The following LRRK1 variants were observed in gnomAD, a reference collection of about 807,000 sequenced individuals.
LRRK1 encodes leucine rich repeat kinase 1.
A neutral mutation model predicts 209.1 loss-of-function variants in LRRK1; 113 were observed. That is an observed-to-expected ratio of 0.54 (90% CI 0.46 to 0.63). The LOEUF (loss-of-function observed/expected upper bound fraction) is 0.63, where lower values mean the gene tolerates loss of function less well. LRRK1 is among the 30% of genes least tolerant of loss of function. The pLI is 0.00. For missense variants in LRRK1, 2,284 were observed against 2,632.2 expected (o/e 0.87, Z 2.89); for synonymous variants, 1,144 against 1,099.7 (o/e 1.04, Z -0.80).
intron 11 of LRRK1, 97 bp downstream of exon 11, chr15:101,014,525 C>A: frequency 2.5e-6 from 2 of 809,998 alleles, no homozygotes; most frequent in Non-Finnish European, 2.1e-6. Context: ...TCTGCGAGGG[C>A]TGCTGAGCCG....
chr15:101,059,033 A>C (rs2035995799), intron 29 of LRRK1, among the ~76,000 whole-genome samples: 1 of 152,180 alleles, frequency 6.6e-6, no homozygotes, highest in South Asian at 2.1e-4. Context: ...AGTTTGCGTC[A>C]GGTTTTATGC....
rs537672871 is a variant in LRRK1, at chr15:100,962,980, T to C, written c.98-10824T>C. Among the ~76,000 whole-genome samples the C allele has an allele frequency of 2.2e-3, 333 of 149,648 alleles. 4 individuals are homozygous for C. Among genetic ancestry groups the C allele is most frequent in the African/African-American group, 7.6e-3 (308 of 40,634 alleles). On this transcript the variant is annotated intron_variant, in intron 2 of 33. Transcript: ENST00000388948. ...CTGCGATTACAGGCATGCACCACCA[T>C]GCCTGGCTAATTTTGTATTTTTAGT...
intron 3 of LRRK1, among the ~76,000 whole-genome samples, chr15:100,978,422 A>G (rs2031417355): frequency 6.6e-6 from 1 of 152,218 alleles, no homozygotes; most frequent in African/African-American, 2.4e-5. Flanking sequence ...ATGCCCAGAG[A>G]AATCCATTCC....
rs1256562191 is a variant in LRRK1 at position 101,073,827 on chromosome 15, T to A, written c.*4979T>A. ...CCTTCCACTCTCCATTCCTCCTTCT[T>A]CTCCCTTAGCCTATGTTCTCAAAAA... is the stretch of plus-strand genomic sequence containing the variant. On this transcript the variant is annotated 3_prime_UTR_variant, in exon 34 of 34. Coordinates refer to ENST00000388948, the MANE Select transcript of LRRK1 (RefSeq NM_024652.6). 1.3e-5 allele frequency: 2 copies of A among 152,014 alleles called. No individual in the cohort carries two copies. The highest frequency in any genetic ancestry group is 1.9e-4 in the East Asian group (1 of 5,186). 9.4% of individuals were successfully genotyped at this position (152,014 alleles called of 1,614,324 possible).
Position 101,061,179 on chromosome 15 carries a change from C to G in LRRK1, c.4688C>G (p.Thr1563Arg). 1 of 1,612,910 alleles carries G rather than the reference C, an allele frequency of 6.2e-7. No homozygotes were observed. Among genetic ancestry groups the G allele is most frequent in the Non-Finnish European group, 8.5e-7 (1 of 1,179,048 alleles). Residue 1563 changes from threonine (T) to arginine (R), a missense_variant, in exon 30 of 34, where the codon ACG (threonine) becomes AGG (arginine). Thr to Arg is a moderately conservative substitution (Grantham distance 71). This residue lies in a region of LRRK1 where 643 missense variants were observed against 695.9 expected (regional missense o/e 0.92). Coordinates refer to ENST00000388948, the MANE Select transcript of LRRK1 (RefSeq NM_024652.6). ...WDGKEESRNY[T>R]VVNTEKGLME... is the part of the protein sequence containing the mutation. ...GTTTCTGCCACTTACAGGAACTACA[C>G]GGTGGTGAACACAGAGAAGGGCCTC...
At chr15:100,989,516 T>C (rs1367550196) in intron 6 of LRRK1, 118 bp downstream of exon 6, 9 of 1,082,254 alleles carry the variant, frequency 8.3e-6, no homozygotes, top group Admixed American at 2.1e-5. Context: ...GGTCTGGAGA[T>C]TGAGAAGTCC....
chr15:101,010,291 G>C (rs1257769072), intron 7 of LRRK1, among the ~76,000 whole-genome samples, 159 bp from the exon 8 acceptor site: 1 of 152,126 alleles, frequency 6.6e-6, no homozygotes. Context: ...TTCTTCAAAA[G>C]AATTAAAAAT....
intron 6 of LRRK1, among the ~76,000 whole-genome samples, chr15:101,002,878 G>T (rs369158959): frequency 1.1e-3 from 163 of 152,256 alleles, no homozygotes; most frequent in South Asian, 5.6e-3. Flanking sequence ...CTACAGGTGT[G>T]CACCACCACA....
At chr15:100,938,579 C>G (rs764591160) in intron 2 of LRRK1, among the ~76,000 whole-genome samples, 4 of 151,718 alleles carry the variant, frequency 2.6e-5, no homozygotes, top group African/African-American at 7.3e-5. Context: ...CTCCTTCCCC[C>G]ACATGGCCAA....
At chr15:101,000,832 C>T (rs1475207780) in intron 6 of LRRK1, among the ~76,000 whole-genome samples, 2 of 152,180 alleles carry the variant, frequency 1.3e-5, no homozygotes, top group South Asian at 2.1e-4. Context: ...TTCCGCAGTA[C>T]GGGGCGTTAG....
At chr15:101,045,056 G>A (rs907143067) in intron 20 of LRRK1, among the ~76,000 whole-genome samples, 1 of 152,214 alleles carries the variant, frequency 6.6e-6, no homozygotes, top group African/African-American at 2.4e-5. Context: ...GCCAAGAGGG[G>A]ATCCTTTCTC....
chr15:101,027,434 G>A lies in LRRK1; in HGVS notation c.2526+53G>A, dbSNP rs1404978336. 1 of 1,590,828 alleles carries A rather than the reference G, an allele frequency of 6.3e-7. No individual in the cohort carries two copies. Among genetic ancestry groups the A allele is most frequent in the Non-Finnish European group, 8.6e-7 (1 of 1,168,710 alleles). Reference sequence around the variant, plus strand: ...CCAGTCTGCCTGCTTCCCATTGTTGGGGGTCCTCACTTCCCCCTCTCTCCT... The same window carrying A: ...CCAGTCTGCCTGCTTCCCATTGTTGAGGGTCCTCACTTCCCCCTCTCTCCT... On this transcript the variant is annotated intron_variant, in intron 18 of 33. Transcript: ENST00000388948. This position sits in a 1 kb window ranked among gnomAD's most constrained non-coding sequence, Gnocchi z 5.1.
Position 101,071,223 on chromosome 15 carries a change from AC to A in LRRK1, c.*2378del, listed in dbSNP as rs2036792326. ...TGAGGGGGTGGGGGGCACCCTGAGG[AC>A]CCTGTCAACATCAGCTGGACCACAG... On this transcript the variant is annotated 3_prime_UTR_variant, in exon 34 of 34. Coordinates refer to ENST00000388948, the MANE Select transcript of LRRK1 (RefSeq NM_024652.6). 1 of 152,270 alleles carries A rather than the reference AC, an allele frequency of 6.6e-6. No homozygotes were observed. Among genetic ancestry groups the A allele is most frequent in the African/African-American group, 2.4e-5 (1 of 41,416 alleles). The allele number at this position is 152,270 out of a possible 1,614,324, so 9.4% of individuals were successfully genotyped here. A position where few individuals can be genotyped will look rare whatever the true frequency, so the allele number is the denominator to read the frequency against.
At position 100,933,890 on chromosome 15, in the gene LRRK1, A is replaced by G. The variant is rs149642251; in HGVS notation, c.97+9161A>G. ...CTTCATCTTCTAACCTGTCTATTGA[A>G]CATTTCATTTTGGAACTCAGTCTTA... On this transcript the variant is annotated intron_variant, in intron 2 of 33. Transcript: ENST00000388948. Among the ~76,000 whole-genome samples, 42 of 148,800 alleles carry G rather than the reference A, an allele frequency of 2.8e-4. 2 individuals carry two copies. In the East Asian group the frequency reaches 8.4e-3, roughly 30 times the overall value.
intron 2 of LRRK1, among the ~76,000 whole-genome samples, chr15:100,955,483 C>G (rs1311699921): frequency 6.6e-6 from 1 of 152,034 alleles, no homozygotes; most frequent in African/African-American, 2.4e-5. Flanking sequence ...ATTTGGATGT[C>G]TTTTATTTCT....
intron 2 of LRRK1, among the ~76,000 whole-genome samples, chr15:100,943,549 A>C (rs1232616610): frequency 1.3e-5 from 2 of 152,206 alleles, no homozygotes; most frequent in African/African-American, 4.8e-5. Flanking sequence ...TTAGGAAGTT[A>C]CAAAGATAAA....
chr15:100,938,537 C>T (rs1002257086), intron 2 of LRRK1, among the ~76,000 whole-genome samples: 4 of 152,054 alleles, frequency 2.6e-5, no homozygotes, highest in African/African-American at 4.8e-5. Context: ...CTTACTCCTC[C>T]CATGCAGGTA....
chr15:101,022,528 G>A lies in LRRK1; in HGVS notation c.1998G>A (p.Val666=), dbSNP rs761082776. 3 of 1,614,092 alleles carry A rather than the reference G, an allele frequency of 1.9e-6. No individual in the cohort carries two copies. The highest frequency in any genetic ancestry group is 1.7e-6 in the Non-Finnish European group (2 of 1,180,020). ...EILQTGRAPQ[V]VHGEATIRTT... ...TACAGACGGGGAGGGCCCCCCAGGT[G>A]GTGCATGGAGAGGCCACCATCAGGA... is the stretch of plus-strand genomic sequence containing the variant. The change falls in exon 15 of 34, where the codon GTG becomes GTA. Residue 666 remains valine (V), a synonymous_variant. Transcript: ENST00000388948. This position sits in a 1 kb window ranked among gnomAD's most constrained non-coding sequence, Gnocchi z 4.0.
intron 20 of LRRK1, among the ~76,000 whole-genome samples, chr15:101,034,502 G>T (rs1316224563): frequency 6.6e-6 from 1 of 152,102 alleles, no homozygotes; most frequent in Non-Finnish European, 1.5e-5. Flanking sequence ...ACCATTTATT[G>T]AAGAGGGTGT....
Sources: allele counts gnomAD v4.1 joint callset (sites outside exome capture counted in the v4.1 genomes callset), GRCh38; gene constraint gnomAD v4.1.1; regional missense constraint gnomAD v4.1.1; non-coding constraint Gnocchi (gnomAD v3.1); transcripts MANE v1.5; gene names NCBI Gene and HGNC (gene_info 2026-07-23, HGNC 2026-07-21).